The following ASB4 variants were observed in gnomAD, a reference collection of about 807,000 sequenced individuals.
The protein encoded by ASB4 is ankyrin repeat and SOCS box containing 4, also known as ankyrin repeat and SOCS box protein 4.
Under a neutral mutation model 38.6 loss-of-function variants are expected in ASB4, and 35 were observed. The ratio of observed to expected loss-of-function variants is 0.91; its 90% CI spans 0.69 to 1.20. The LOEUF is 1.20. ASB4 is among the 50% of genes most tolerant of loss of function. The pLI is 0.00. For synonymous variants in ASB4, 195 were observed against 201.3 expected (o/e 0.97, Z 0.26); for missense variants, 557 against 527.2 (o/e 1.06, Z -0.55).
intron 2 of ASB4, among the ~76,000 whole-genome samples, chr7:95,520,962 A>G (rs1790654149): frequency 6.6e-6 from 1 of 151,740 alleles, no homozygotes; most frequent in Non-Finnish European, 1.5e-5. Context: ...CATTCTTTTT[A>G]CTTCACTTTT....
chr7:95,487,721 A>G (rs1790112213), intron 1 of ASB4, among the ~76,000 whole-genome samples: 1 of 152,212 alleles, frequency 6.6e-6, no homozygotes, highest in Admixed American at 6.5e-5. Flanking sequence ...GTCCTCATAG[A>G]GCTAAATTTT....
chr7:95,544,893 A>T (rs1199373460), downstream of ASB4, among the ~76,000 whole-genome samples: 1 of 151,882 alleles, frequency 6.6e-6, no homozygotes, highest in Non-Finnish European at 1.5e-5. Context: ...AGGGGGTTTC[A>T]CTATGCTGAC....
At chr7:95,477,893 G>T (rs1433259904), upstream of ASB4, among the ~76,000 whole-genome samples, 1 of 151,780 alleles carries the variant, frequency 6.6e-6, no homozygotes, top group African/African-American at 2.4e-5. Context: ...ATTCCTAACT[G>T]CAGCTTTGTC....
the ASB4 span, among the ~76,000 whole-genome samples, chr7:95,472,975 C>T: frequency 5.3e-5 from 8 of 152,326 alleles, no homozygotes; most frequent in East Asian, 7.7e-4. Context: ...CCTCTCTCCA[C>T]GCTCCAGCAG....
intron 1 of ASB4, among the ~76,000 whole-genome samples, chr7:95,491,234 G>C (rs1437753080): frequency 6.6e-6 from 1 of 152,168 alleles, no homozygotes; most frequent in African/African-American, 2.4e-5. Flanking sequence ...TTGTACACAG[G>C]GGAAATAATC....
intron 3 of ASB4, among the ~76,000 whole-genome samples, chr7:95,532,064 G>A (rs955079838): frequency 1.3e-5 from 2 of 152,120 alleles, no homozygotes; most frequent in Admixed American, 6.5e-5. Context: ...CAAAGGAAAA[G>A]TAAAGAAAAA....
intron 1 of ASB4, among the ~76,000 whole-genome samples, chr7:95,489,315 T>C (rs1790137426): frequency 6.6e-6 from 1 of 152,230 alleles, no homozygotes; most frequent in African/African-American, 2.4e-5. Context: ...AGCTCATTTC[T>C]GCTTTCCTCT....
intron 2 of ASB4, among the ~76,000 whole-genome samples, chr7:95,527,043 G>A (rs1790746217): frequency 1.3e-5 from 2 of 152,200 alleles, no homozygotes; most frequent in South Asian, 4.1e-4. Context: ...AACATCCTTT[G>A]TCAACCATAA....
chr7:95,501,612 A>G (rs1301339772), intron 2 of ASB4, among the ~76,000 whole-genome samples: 2 of 152,208 alleles, frequency 1.3e-5, no homozygotes, highest in African/African-American at 4.8e-5. Flanking sequence ...CTTATTCATC[A>G]TCCGGTGTAA....
At chr7:95,543,619 C>T (rs1459879788), downstream of ASB4, 1 of 152,268 alleles carries the variant, frequency 6.6e-6, no homozygotes, top group East Asian at 1.9e-4. Context: ...AACAGTAAGG[C>T]CCTGGGGTTT....
At chr7:95,543,989 C>G (rs962938392), downstream of ASB4, 7 of 152,160 alleles carry the variant, frequency 4.6e-5, no homozygotes, top group Non-Finnish European at 4.4e-5. Context: ...TATCATTACT[C>G]TTTTCTTCCA....
intron 2 of ASB4, among the ~76,000 whole-genome samples, chr7:95,507,220 T>A (rs1562814674): frequency 1.3e-5 from 2 of 152,122 alleles, no homozygotes; most frequent in African/African-American, 2.4e-5. Flanking sequence ...CTTATGAATT[T>A]TTTTTTCCTT....
downstream of ASB4, chr7:95,544,620 A>G (rs889990234): frequency 2.0e-5 from 3 of 152,150 alleles, no homozygotes; most frequent in East Asian, 1.9e-4. Context: ...TCAAGTGTCA[A>G]TTTCTTTATT....
chr7:95,489,794 C>T (rs2116579197), intron 1 of ASB4, among the ~76,000 whole-genome samples: 1 of 152,252 alleles, frequency 6.6e-6, no homozygotes, highest in East Asian at 1.9e-4. Flanking sequence ...TAATTATGAG[C>T]CAACCACTGA....
chr7:95,478,814 T>C (rs1380805424), intron 1 of ASB4, among the ~76,000 whole-genome samples: 2 of 152,198 alleles, frequency 1.3e-5, no homozygotes, highest in Non-Finnish European at 2.9e-5. Context: ...CTGCCATTTG[T>C]GAGGATTGTT....
chr7:95,537,453 C>A, intron 4 of ASB4, 118 bp from the exon 5 acceptor site: 1 of 829,400 alleles, frequency 1.2e-6, no homozygotes, highest in Non-Finnish European at 1.8e-6. Flanking sequence ...TTTGCCTCAC[C>A]AATAGAGACC....
chr7:95,476,013 C>A (rs1304228158), upstream of ASB4, among the ~76,000 whole-genome samples: 2 of 152,206 alleles, frequency 1.3e-5, no homozygotes, highest in African/African-American at 4.8e-5. Context: ...TCTGTGAAAT[C>A]TTTCTTGATT....
intron 2 of ASB4, among the ~76,000 whole-genome samples, chr7:95,500,447 T>TC (rs1790318645): frequency 6.6e-6 from 1 of 151,604 alleles, no homozygotes; most frequent in African/African-American, 2.4e-5. Flanking sequence ...GCATCTGTAT[T>TC]CCTAGCTACT....
At chr7:95,544,063 T>G (rs1334403537), downstream of ASB4, 1 of 152,108 alleles carries the variant, frequency 6.6e-6, no homozygotes, top group Non-Finnish European at 1.5e-5. Context: ...TGATACTAAT[T>G]AACCCTCCCT....
Sources: allele counts gnomAD v4.1 joint callset (sites outside exome capture counted in the v4.1 genomes callset), GRCh38; gene constraint gnomAD v4.1.1; transcripts MANE v1.5; gene names NCBI Gene and HGNC (gene_info 2026-07-23, HGNC 2026-07-21).